The following CFAP58 variants were observed in gnomAD, a reference collection of about 807,000 sequenced individuals.
CFAP58 encodes cilia- and flagella-associated protein 58.
A neutral mutation model predicts 119.5 loss-of-function variants in CFAP58; 88 were observed. That is an observed-to-expected ratio of 0.74 (90% CI 0.62 to 0.88). The LOEUF (loss-of-function observed/expected upper bound fraction) is 0.88. Ranked by LOEUF, CFAP58 falls within the 40% of genes least tolerant of loss-of-function variation. The probability of loss-of-function intolerance (pLI) is 0.00; values close to 1 mark genes in which losing one functional copy is unlikely to be tolerated. For missense variants in CFAP58, 990 were observed against 1,021.2 expected (o/e 0.97, Z 0.42); for synonymous variants, 365 against 366.3 (o/e 1.00, Z 0.04).
chr10:104,357,988 CAT>C lies in CFAP58; in HGVS notation c.10-348_10-347del, dbSNP rs1295594540. On this transcript the variant is annotated intron_variant, in intron 1 of 17. Transcript: ENST00000369704. ...ATGTACACATATGTACATATGTACA[CAT>C]ATATGTACACATATATACACATATA... is the stretch of plus-strand genomic sequence containing the variant. Among the ~76,000 whole-genome samples, 65 of 142,094 alleles carry C rather than the reference CAT, an allele frequency of 4.6e-4. No homozygotes were observed. The East Asian group carries it at 8.7e-3, about 19-fold the overall frequency. 93.2% of individuals were successfully genotyped at this position (142,094 alleles called of 152,430 possible). A position where few individuals can be genotyped will look rare whatever the true frequency, so the allele number is the denominator to read the frequency against.
At chr10:104,431,089 T>A (rs937193498) in intron 15 of CFAP58, among the ~76,000 whole-genome samples, 3 of 152,198 alleles carry the variant, frequency 2.0e-5, no homozygotes. Context: ...ATTTACTGAG[T>A]GTATTTGATG....
At chr10:104,381,656 A>G (rs1421072903) in intron 9 of CFAP58, among the ~76,000 whole-genome samples, 1 of 152,072 alleles carries the variant, frequency 6.6e-6, no homozygotes, top group Non-Finnish European at 1.5e-5. Context: ...AGAAGGTGAC[A>G]AGGGACAGCC....
chr10:104,361,262 A>G (rs2014662755), intron 2 of CFAP58, among the ~76,000 whole-genome samples: 1 of 152,234 alleles, frequency 6.6e-6, no homozygotes, highest in African/African-American at 2.4e-5. Context: ...TGCATGGGTC[A>G]TTGCCTCCAT....
At chr10:104,352,421 T>C (rs1301271355), upstream of CFAP58, among the ~76,000 whole-genome samples, 2 of 152,168 alleles carry the variant, frequency 1.3e-5, no homozygotes, top group Non-Finnish European at 2.9e-5. Context: ...CTCTAGATAG[T>C]TACAGCCTTC....
intron 1 of CFAP58, among the ~76,000 whole-genome samples, chr10:104,357,928 TATAC>T (rs1564875973): frequency 1.7e-5 from 2 of 118,982 alleles, no homozygotes; most frequent in African/African-American, 9.4e-5. Flanking sequence ...TATGTACACA[TATAC>T]ACACATATAT....
At chr10:104,357,904 CA>C (rs2014586919) in intron 1 of CFAP58, among the ~76,000 whole-genome samples, 1 of 98,156 alleles carries the variant, frequency 1.0e-5, no homozygotes. Flanking sequence ...TATATGTACA[CA>C]TATACACACA....
chr10:104,453,707 A>G lies in CFAP58; in HGVS notation c.2511-715A>G, dbSNP rs1226051099. Among the ~76,000 whole-genome samples, 5 of 150,514 alleles carry G rather than the reference A, an allele frequency of 3.3e-5. No homozygotes were observed. In the Admixed American group the frequency reaches 3.3e-4, roughly 10 times the overall value. On this transcript the variant is annotated intron_variant, in intron 17 of 17. Coordinates refer to ENST00000369704, the MANE Select transcript of CFAP58 (RefSeq NM_001008723.2). ...CAAAGGTGTTTTCTTTAAGACCCCA[A>G]CTGTATGATAACTTGTGTAGATCTA...
At chr10:104,452,155 A>G (rs1337448116) in intron 17 of CFAP58, among the ~76,000 whole-genome samples, 1 of 152,264 alleles carries the variant, frequency 6.6e-6, no homozygotes, top group South Asian at 2.1e-4. Context: ...TTTATAAATT[A>G]TATGCAGATA....
chr10:104,430,847 G>A (rs953594569), intron 15 of CFAP58, among the ~76,000 whole-genome samples: 1 of 152,174 alleles, frequency 6.6e-6, no homozygotes, highest in Non-Finnish European at 1.5e-5. Context: ...CACAGTTTAT[G>A]CAAAATTATA....
At chr10:104,425,443 A>C (rs1303713274) in intron 15 of CFAP58, among the ~76,000 whole-genome samples, 1 of 152,168 alleles carries the variant, frequency 6.6e-6, no homozygotes, top group African/African-American at 2.4e-5. Flanking sequence ...TAGGCATTAC[A>C]CTAGCTCCAG....
At chr10:104,400,023 G>T (rs2012234139) in intron 12 of CFAP58, among the ~76,000 whole-genome samples, 2 of 152,208 alleles carry the variant, frequency 1.3e-5, no homozygotes, top group South Asian at 4.1e-4. Flanking sequence ...ACAGAAGGAA[G>T]TAGTGGAACT....
intron 8 of CFAP58, among the ~76,000 whole-genome samples, chr10:104,377,683 G>C (rs1463275455): frequency 1.3e-5 from 2 of 152,116 alleles, no homozygotes; most frequent in African/African-American, 2.4e-5. Flanking sequence ...ATCTCATCAA[G>C]GCAGAAACGG....
chr10:104,361,969 T>G, intron 2 of CFAP58, 54 bp from the exon 3 acceptor site: 1 of 1,550,344 alleles, frequency 6.5e-7, no homozygotes, highest in Non-Finnish European at 8.8e-7. Context: ...CTGGTTTATC[T>G]TGCATCTAGA....
rs762588303 is a variant in CFAP58 at position 104,445,322 on chromosome 10, C to CAA, written c.2257-2363_2257-2362dup. 4.9e-3 allele frequency among the ~76,000 whole-genome samples: 537 copies of CAA among 110,302 alleles called. 1 individual carries two copies. Among genetic ancestry groups the CAA allele is most frequent in the Non-Finnish European group, 4.9e-3 (264 of 53,946 alleles). The allele number at this position is 110,302 out of a possible 152,430, so 72.4% of individuals were successfully genotyped here. A position where few individuals can be genotyped will look rare whatever the true frequency, so the allele number is the denominator to read the frequency against. On this transcript the variant is annotated intron_variant, in intron 15 of 17. Transcript: ENST00000369704. The stretch of plus-strand genomic sequence containing the variant: ...TGCGTGACAGAGTGAGACCCGGTCT[C>CAA]AAAAAAAAAAAAAACAACAACAACA...
At chr10:104,441,896 G>T (rs1448722472) in intron 15 of CFAP58, among the ~76,000 whole-genome samples, 1 of 152,152 alleles carries the variant, frequency 6.6e-6, no homozygotes, top group South Asian at 2.1e-4. Flanking sequence ...TGACATCTTC[G>T]TTATAAAACC....
chr10:104,401,052 A>C (rs1285151718), intron 13 of CFAP58, 149 bp downstream of exon 13: 1 of 618,416 alleles, frequency 1.6e-6, no homozygotes, highest in African/African-American at 1.8e-5. Context: ...ACAAATAATA[A>C]GAGCAGCTTT....
At chr10:104,427,672 G>A (rs1399165802) in intron 15 of CFAP58, among the ~76,000 whole-genome samples, 1 of 152,174 alleles carries the variant, frequency 6.6e-6, no homozygotes, top group Non-Finnish European at 1.5e-5. Flanking sequence ...ATTCCCTACA[G>A]AGAATGTGCA....
In CFAP58 at chr10:104,393,331, T is replaced by C; in HGVS notation, c.1530T>C (p.Asp510=). Reference sequence around the variant, plus strand: ...CATTTCTCCTTTCATTTGGTTAGGATGAAATAACAGATATGAAGAGAAAGT... The same window carrying C: ...CATTTCTCCTTTCATTTGGTTAGGACGAAATAACAGATATGAAGAGAAAGT... ...LYSKNLVEAQ[D]EITDMKRKLK... Residue 510 remains aspartate (D), a splice_region_variant and synonymous_variant, in exon 11 of 18, where the codon GAT becomes GAC. Coordinates refer to ENST00000369704, the MANE Select transcript of CFAP58 (RefSeq NM_001008723.2). 1.9e-6 allele frequency: 3 copies of C among 1,611,660 alleles called. No homozygotes were observed. The highest frequency in any genetic ancestry group is 2.5e-6 in the Non-Finnish European group (3 of 1,178,266).
chr10:104,406,181 C>A (rs1488739615), intron 14 of CFAP58, among the ~76,000 whole-genome samples: 1 of 152,340 alleles, frequency 6.6e-6, no homozygotes, highest in South Asian at 2.1e-4. Flanking sequence ...GAATTGAGAA[C>A]TATGCCTTTG....
Sources: allele counts gnomAD v4.1 joint callset (sites outside exome capture counted in the v4.1 genomes callset), GRCh38; gene constraint gnomAD v4.1.1; transcripts MANE v1.5; gene names NCBI Gene and HGNC (gene_info 2026-07-23, HGNC 2026-07-21).